TMEM131: variants seen among roughly 807,000 people sequenced by gnomAD.
The protein encoded by TMEM131 is 2610524E03Rik.
In TMEM131, 66 loss-of-function variants were observed where a neutral mutation model predicts 211.6. The observed-to-expected ratio is 0.31, with a 90% confidence interval of 0.26 to 0.38. TMEM131 has a LOEUF of 0.38. TMEM131 is among the 10% of genes least tolerant of loss of function. The pLI is 1.00. For synonymous variants in TMEM131, 844 were observed against 841.3 expected (o/e 1.00, Z -0.06); for missense variants, 2,036 against 2,299.3 (o/e 0.89, Z 2.34).
At chr2:97,896,868 T>TA (rs577680346) in intron 3 of TMEM131, among the ~76,000 whole-genome samples, 112 of 148,044 alleles carry the variant, frequency 7.6e-4, no homozygotes, top group African/African-American at 1.3e-3. Context: ...TATCAATTTC[T>TA]AAAAAAAAAA....
At chr2:97,871,651 A>T (rs917415063) in intron 4 of TMEM131, among the ~76,000 whole-genome samples, 2 of 152,122 alleles carry the variant, frequency 1.3e-5, no homozygotes, top group African/African-American at 4.8e-5. Flanking sequence ...CATATTCCAC[A>T]TCCCTATGAT....
Position 97,962,242 on chromosome 2 carries a change from G to A in TMEM131, c.187+33234C>T, listed in dbSNP as rs541727416. Reference sequence around the variant, plus strand: ...AAGGCTGCCTGGCGCAGTGGCTCACGCCTGTAATCCCAGCACTTTGGGAGG... The same window carrying A: ...AAGGCTGCCTGGCGCAGTGGCTCACACCTGTAATCCCAGCACTTTGGGAGG... On this transcript the variant is annotated intron_variant, in intron 1 of 40. Coordinates refer to ENST00000186436, the MANE Select transcript of TMEM131 (RefSeq NM_015348.2). Among the ~76,000 whole-genome samples, 14 of 152,298 alleles carry A rather than the reference G, an allele frequency of 9.2e-5. No homozygotes were observed. The South Asian group carries it at 2.1e-3, about 23-fold the overall frequency.
At chr2:97,898,629 C>A (rs1399919296) in intron 3 of TMEM131, among the ~76,000 whole-genome samples, 1 of 152,150 alleles carries the variant, frequency 6.6e-6, no homozygotes, top group Non-Finnish European at 1.5e-5. Context: ...TACGCTGACA[C>A]CTGATTTCAG....
intron 18 of TMEM131, among the ~76,000 whole-genome samples, chr2:97,810,018 ACT>A (rs924136671): frequency 6.6e-6 from 1 of 152,202 alleles, no homozygotes; most frequent in African/African-American, 2.4e-5. Context: ...CGTAAAAAAG[ACT>A]AAACAACGGG....
chr2:97,871,261 G>A (rs1674478058), intron 4 of TMEM131, among the ~76,000 whole-genome samples: 1 of 152,222 alleles, frequency 6.6e-6, no homozygotes, highest in Non-Finnish European at 1.5e-5. Flanking sequence ...ATCTGACATA[G>A]TTGACGCCAT....
At chr2:97,896,045 C>T (rs566875524) in intron 3 of TMEM131, among the ~76,000 whole-genome samples, 6 of 152,222 alleles carry the variant, frequency 3.9e-5, no homozygotes, top group Admixed American at 2.6e-4. Context: ...AAATGTGTCC[C>T]GGAGATTCTG....
intron 25 of TMEM131, among the ~76,000 whole-genome samples, chr2:97,799,258 A>G (rs1680908534): frequency 1.3e-5 from 2 of 151,898 alleles, no homozygotes; most frequent in Admixed American, 1.3e-4. Flanking sequence ...TTTCAGTGTC[A>G]TTCATTTGTA....
At chr2:97,983,945 T>C (rs958097858) in intron 1 of TMEM131, among the ~76,000 whole-genome samples, 1 of 152,180 alleles carries the variant, frequency 6.6e-6, no homozygotes, top group Non-Finnish European at 1.5e-5. Flanking sequence ...GAGAATAGAC[T>C]TGTGTTTTAA....
chr2:97,975,388 A>G (rs1371175735), intron 1 of TMEM131, among the ~76,000 whole-genome samples: 3 of 152,152 alleles, frequency 2.0e-5, no homozygotes, highest in Non-Finnish European at 4.4e-5. Context: ...CAGTCTGATC[A>G]AGAAAAAAAC....
At chr2:97,920,968 CGAGTGTGT>C (rs1319259343) in intron 2 of TMEM131, among the ~76,000 whole-genome samples, 20 of 101,532 alleles carry the variant, frequency 2.0e-4, no homozygotes, top group African/African-American at 7.3e-4. Flanking sequence ...TAAAAAATCC[CGAGTGTGT>C]GTGTGTGTGT....
At chr2:97,977,402 G>A (rs1679589756) in intron 1 of TMEM131, among the ~76,000 whole-genome samples, 1 of 152,142 alleles carries the variant, frequency 6.6e-6, no homozygotes, top group South Asian at 2.1e-4. Flanking sequence ...ATAAGCACAT[G>A]AAAAGATGCT....
At chr2:97,887,298 G>A (rs1675201713) in intron 4 of TMEM131, among the ~76,000 whole-genome samples, 1 of 152,142 alleles carries the variant, frequency 6.6e-6, no homozygotes, top group African/African-American at 2.4e-5. Context: ...CGACCCACAG[G>A]GCTATTTCTT....
rs770432398 is a variant in TMEM131 at position 97,832,004 on chromosome 2, C to CAAAAAAAAAAA, written c.1074+1350_1074+1360dup. ...TTTTTATAGTTGTGTAAGTCACTTCCAAAAAAAAAAAAAAAAAAAAAAGCA... is the reference window on the plus strand; with the variant it reads ...TTTTTATAGTTGTGTAAGTCACTTCCAAAAAAAAAAAAAAAAAAAAAAAAAAAAAAAAAGCA... On this transcript the variant is annotated intron_variant, in intron 11 of 40. Transcript: ENST00000186436. 7.8e-4 allele frequency among the ~76,000 whole-genome samples: 47 copies of CAAAAAAAAAAA among 60,264 alleles called. 3 individuals are homozygous for CAAAAAAAAAAA. The highest frequency in any genetic ancestry group is 1.0e-3 in the Non-Finnish European group (35 of 34,740). The allele number at this position is 60,264 out of a possible 152,430, so 39.5% of individuals were successfully genotyped here. A position where few individuals can be genotyped will look rare whatever the true frequency, so the allele number is the denominator to read the frequency against.
At chr2:97,765,574 T>C (rs889492488) in intron 35 of TMEM131, among the ~76,000 whole-genome samples, 3 of 152,172 alleles carry the variant, frequency 2.0e-5, no homozygotes, top group Non-Finnish European at 4.4e-5. Flanking sequence ...GATTTCTATT[T>C]TGGTTGACTG....
chr2:97,797,357 G>A lies in TMEM131; in HGVS notation c.2870+8C>T. 6.3e-7 allele frequency: 1 copy of A among 1,593,872 alleles called. No individual in the cohort carries two copies. Among genetic ancestry groups the A allele is most frequent in the Non-Finnish European group, 8.5e-7 (1 of 1,172,434 alleles). ...AAAATGAACCCACACCTATATCACA[G>A]AACCTACCTGACTATGATAAGTGAA... On this transcript the variant is annotated splice_region_variant and intron_variant, in intron 26 of 40. Coordinates refer to ENST00000186436, the MANE Select transcript of TMEM131 (RefSeq NM_015348.2).
At chr2:97,925,990 T>C (rs1573566907) in intron 2 of TMEM131, among the ~76,000 whole-genome samples, 1 of 151,724 alleles carries the variant, frequency 6.6e-6, no homozygotes, top group East Asian at 1.9e-4. Flanking sequence ...CAGGCGCCAG[T>C]AGTCCCAGCT....
In TMEM131 at chr2:97,983,200, C is replaced by T. The variant is rs1428322182; in HGVS notation, c.187+12276G>A. Reference sequence around the variant, plus strand: ...CTTTTGTTTTTTGTTATCATTTCTACGTTTGTGCCTTCGTTCAGTCTCATA... The same window carrying T: ...CTTTTGTTTTTTGTTATCATTTCTATGTTTGTGCCTTCGTTCAGTCTCATA... On this transcript the variant is annotated intron_variant, in intron 1 of 40. Coordinates refer to ENST00000186436, the MANE Select transcript of TMEM131 (RefSeq NM_015348.2). Among the ~76,000 whole-genome samples the T allele has an allele frequency of 2.6e-5, 4 of 152,234 alleles. No individual in the cohort carries two copies. The East Asian group carries it at 7.7e-4, about 29-fold the overall frequency.
At chr2:97,780,020 CA>C (rs1210292050) in intron 31 of TMEM131, among the ~76,000 whole-genome samples, 5 of 149,286 alleles carry the variant, frequency 3.3e-5, no homozygotes, top group Admixed American at 1.3e-4. Flanking sequence ...ACCTTTTCTC[CA>C]AAAAAACAAA....
At chr2:97,965,582 TA>T (rs1375012141) in intron 1 of TMEM131, among the ~76,000 whole-genome samples, 1 of 152,098 alleles carries the variant, frequency 6.6e-6, no homozygotes, top group Non-Finnish European at 1.5e-5. Flanking sequence ...GCCACGCTGC[TA>T]AGCACCAAGT....
Sources: gnomAD v4.1 joint callset for allele counts (sites outside exome capture counted in the v4.1 genomes callset) on GRCh38, gnomAD v4.1.1 for gene constraint, MANE v1.5 for transcripts, NCBI Gene and HGNC (gene_info 2026-07-23, HGNC 2026-07-21) for gene names.